Variants in ICE2 observed in about 807,000 individuals in gnomAD.
ICE2 encodes interactor of little elongation complex ELL subunit 2.
Under a neutral mutation model 105.4 loss-of-function variants are expected in ICE2, and 87 were observed. That is an observed-to-expected ratio of 0.83 (90% confidence interval 0.69 to 0.99). ICE2 has a LOEUF of 0.99. ICE2 is among the 50% of genes least tolerant of loss of function. The pLI, the probability that ICE2 is intolerant of heterozygous loss-of-function variation, is 0.00. For synonymous variants in ICE2, 399 were observed against 392.0 expected (o/e 1.02, Z -0.21); for missense variants, 1,323 against 1,146.7 (o/e 1.15, Z -2.22).
In ICE2 at chr15:60,449,771, TC is replaced by T; in HGVS notation, c.1195del (p.Asp399MetfsTer10). On this transcript the variant is annotated frameshift_variant, in exon 10 of 16. Transcript: ENST00000261520. LOFTEE classifies it high-confidence loss of function. ...TCCAAAAGTTTCAAGTTCTGTGACA[TC>T]ATCATCAAAATCCAAATACAAGTTT... ...LENLYLDFDDDVTELETFGVT... is the reference protein window; with the variant it reads ...LENLYLDFDDXVTELETFGVT... The T allele has an allele frequency of 3.1e-6, 5 of 1,614,082 alleles. No homozygotes were observed. Among genetic ancestry groups the T allele is most frequent in the Non-Finnish European group, 4.2e-6 (5 of 1,179,982 alleles).
At chr15:60,428,001 T>G (rs1002116417) in intron 15 of ICE2, among the ~76,000 whole-genome samples, 1 of 152,244 alleles carries the variant, frequency 6.6e-6, no homozygotes, top group Non-Finnish European at 1.5e-5. Flanking sequence ...TTCTTTTTCC[T>G]CATCCTAATT....
At chr15:60,443,111 C>G (rs114160994) in intron 11 of ICE2, 1 of 152,204 alleles carries the variant, frequency 6.6e-6, no homozygotes, top group South Asian at 2.1e-4. Flanking sequence ...ATTTCAGACA[C>G]GAAGTATCTG....
intron 5 of ICE2, among the ~76,000 whole-genome samples, chr15:60,460,279 C>G (rs2064238375): frequency 6.6e-6 from 1 of 152,122 alleles, no homozygotes. Context: ...GGTGGATCAC[C>G]TGAGGTCAGG....
In ICE2 at chr15:60,422,158, G is replaced by GTTTATTT; in HGVS notation, c.*1475_*1476insAAATAAA. On this transcript the variant is annotated 3_prime_UTR_variant, in exon 16 of 16. Transcript: ENST00000261520. The stretch of plus-strand genomic sequence containing the variant: ...CCTGTTTTTTTTTTTCTTTGAGACA[G>GTTTATTT]GGTCACACTCTGATACTCAAGCTGA... The GTTTATTT allele has an allele frequency of 6.6e-6, 1 of 150,686 alleles. No homozygotes were observed. 9.3% of individuals were successfully genotyped at this position (150,686 alleles called of 1,614,324 possible).
In ICE2 at chr15:60,420,443, C is replaced by CTTG. The variant is rs1484386356; in HGVS notation, c.*3190_*3191insCAA. 1 of 152,222 alleles carries CTTG rather than the reference C, an allele frequency of 6.6e-6. No individual in the cohort carries two copies. The highest frequency in any genetic ancestry group is 2.4e-5 in the African/African-American group (1 of 41,454). 9.4% of individuals were successfully genotyped at this position (152,222 alleles called of 1,614,324 possible). A position where few individuals can be genotyped will look rare whatever the true frequency, so the allele number is the denominator to read the frequency against. On this transcript the variant is annotated 3_prime_UTR_variant, in exon 16 of 16. Transcript: ENST00000261520. ...TCGCTTCCCAGCTCCATCGCATTCT[C>CTTG]TAGACTAATGCCAACAAGAGCCCTT...
chr15:60,432,480 G>C (rs985831055), intron 13 of ICE2, among the ~76,000 whole-genome samples: 2 of 151,826 alleles, frequency 1.3e-5, no homozygotes, highest in African/African-American at 4.8e-5. Context: ...ATGAGGCATG[G>C]GGTCGGGCCA....
chr15:60,474,944 G>GA (rs1303800960), intron 3 of ICE2, among the ~76,000 whole-genome samples: 1 of 152,096 alleles, frequency 6.6e-6, no homozygotes, highest in African/African-American at 2.4e-5. Flanking sequence ...AACACAGCAA[G>GA]ACCATGTCTC....
At chr15:60,460,074 G>A (rs978978453) in intron 5 of ICE2, among the ~76,000 whole-genome samples, 3 of 152,140 alleles carry the variant, frequency 2.0e-5, no homozygotes, top group African/African-American at 7.2e-5. Context: ...TGGACAAGCT[G>A]ATTCCAAAAT....
chr15:60,453,256 A>T, intron 9 of ICE2: 3 of 1,025,758 alleles, frequency 2.9e-6, no homozygotes, highest in Non-Finnish European at 3.5e-6. Context: ...CTTGAATATG[A>T]ATGAGACCAA....
intron 3 of ICE2, among the ~76,000 whole-genome samples, chr15:60,472,569 T>C (rs189816820): frequency 2.6e-5 from 4 of 152,342 alleles, no homozygotes; most frequent in African/African-American, 9.6e-5. Context: ...AACAAGGATA[T>C]TCTAAGAAAA....
At chr15:60,472,663 G>A (rs1256741721) in intron 3 of ICE2, among the ~76,000 whole-genome samples, 4 of 152,074 alleles carry the variant, frequency 2.6e-5, no homozygotes, top group Non-Finnish European at 5.9e-5. Flanking sequence ...CCACACCTGG[G>A]ATATGCTGAA....
At chr15:60,426,908 A>T (rs1036952294) in intron 15 of ICE2, among the ~76,000 whole-genome samples, 1 of 152,170 alleles carries the variant, frequency 6.6e-6, no homozygotes. Flanking sequence ...ACTTAAGAAA[A>T]TTTTTCCTTA....
chr15:60,424,400 T>C (rs1595730687), intron 15 of ICE2, among the ~76,000 whole-genome samples: 1 of 7,724 alleles, frequency 1.3e-4, no homozygotes, highest in East Asian at 5.0e-3. Context: ...AAGAAAAAAC[T>C]GGAAGGGGGA....
In ICE2 at chr15:60,449,465, G is replaced by A. The variant is rs1566986757; in HGVS notation, c.1502C>T (p.Pro501Leu). 1 of 1,613,990 alleles carries A rather than the reference G, an allele frequency of 6.2e-7. No individual in the cohort carries two copies. Among genetic ancestry groups the A allele is most frequent in the East Asian group, 2.2e-5 (1 of 44,880 alleles). Residue 501 changes from proline to leucine, a missense_variant, in exon 10 of 16, where the codon CCT becomes CTT. Pro to Leu is a moderately conservative substitution (Grantham distance 98). Transcript: ENST00000261520. ...TTTCAAGTCACTATCTTGTATCAAA[G>A]GCTTGTCAGAATTTGATACCTTTTC... ...SCEKVSNSDK[P>L]LIQDSDLKTS... is the part of the protein sequence containing the mutation.
intron 5 of ICE2, among the ~76,000 whole-genome samples, chr15:60,459,889 TA>T (rs1313725238): frequency 5.3e-5 from 8 of 150,848 alleles, no homozygotes; most frequent in Non-Finnish European, 1.0e-4. Flanking sequence ...AAAAGGAGTT[TA>T]AAAAAAAACA....
chr15:60,459,865 A>C (rs2064225822), intron 5 of ICE2, among the ~76,000 whole-genome samples: 2 of 152,192 alleles, frequency 1.3e-5, no homozygotes, highest in Non-Finnish European at 2.9e-5. Context: ...ACTAGGAAAA[A>C]TGTCAATCCC....
At chr15:60,452,581 A>C (rs2141076116) in intron 9 of ICE2, 1 of 155,020 alleles carries the variant, frequency 6.5e-6, no homozygotes, top group South Asian at 2.1e-4. Context: ...CCTGCATAGA[A>C]TAGTATCTGC....
At chr15:60,435,881 G>C (rs140071404) in intron 13 of ICE2, among the ~76,000 whole-genome samples, 13 of 151,986 alleles carry the variant, frequency 8.6e-5, no homozygotes, top group African/African-American at 3.1e-4. Flanking sequence ...GCTGAGGTGG[G>C]AGGATCCCTT....
At chr15:60,445,816 T>G in intron 11 of ICE2, 1 of 982,058 alleles carries the variant, frequency 1.0e-6, no homozygotes. Flanking sequence ...CAAAGTGGTA[T>G]GGGTTCACAG....
Sources: gnomAD v4.1 joint callset for allele counts (sites outside exome capture counted in the v4.1 genomes callset) on GRCh38, gnomAD v4.1.1 for gene constraint, MANE v1.5 for transcripts, NCBI Gene and HGNC (gene_info 2026-07-23, HGNC 2026-07-21) for gene names.